CFAP69: variants seen among roughly 807,000 people sequenced by gnomAD.
CFAP69 encodes cilia and flagella associated protein 69.
In CFAP69, 92 loss-of-function variants were observed where a neutral mutation model predicts 123.0. The observed-to-expected ratio is 0.75, with a 90% CI of 0.63 to 0.89. The LOEUF is 0.89. Ranked by LOEUF, CFAP69 falls within the 40% of genes least tolerant of loss-of-function variation. The pLI is 0.00. For missense variants in CFAP69, 1,067 were observed against 1,096.9 expected (o/e 0.97, Z 0.39); for synonymous variants, 380 against 364.3 (o/e 1.04, Z -0.49).
chr7:90,271,463 T>G, intron 6 of CFAP69, 63 bp from the exon 7 acceptor site: 4 of 1,475,302 alleles, frequency 2.7e-6, no homozygotes, highest in Non-Finnish European at 3.7e-6. Context: ...AATTACTCAT[T>G]CTTTTGTCTT....
In CFAP69 at chr7:90,304,773, G is replaced by T. The variant is rs776750198; in HGVS notation, c.2218G>T (p.Glu740Ter). 1 of 1,594,506 alleles carries T rather than the reference G, an allele frequency of 6.3e-7. No individual in the cohort carries two copies. The change falls in exon 19 of 23, where the codon GAA becomes TAA. Residue 740 changes from glutamate (E) to a stop codon, truncating the protein, a stop_gained. Transcript: ENST00000389297. LOFTEE classifies it high-confidence loss of function. ...TGAAAATTTACCTGGCCTATCTGCT[G>T]AAGATTTTGTCACCCTTTGTATCAT... Reference protein sequence around the residue: ...DFENLPGLSAEDFVTLCIIHR... With the variant: ...DFENLPGLSA
chr7:90,305,042 GAT>G (rs1381767960), intron 19 of CFAP69, among the ~76,000 whole-genome samples: 1 of 152,090 alleles, frequency 6.6e-6, no homozygotes, highest in Non-Finnish European at 1.5e-5. Context: ...TGTGAAAGAA[GAT>G]GTACAAAACT....
downstream of CFAP69, among the ~76,000 whole-genome samples, chr7:90,311,700 A>G (rs1180577748): frequency 6.6e-6 from 1 of 152,108 alleles, no homozygotes; most frequent in Non-Finnish European, 1.5e-5. Context: ...ATTGAGAGGT[A>G]GGGGTTGCAG....
chr7:90,281,637 A>C (rs1789507864), intron 12 of CFAP69, among the ~76,000 whole-genome samples: 1 of 152,214 alleles, frequency 6.6e-6, no homozygotes, highest in Non-Finnish European at 1.5e-5. Context: ...TAAATATGAA[A>C]AGTCATACAG....
At chr7:90,281,117 G>A (rs1429793366) in intron 12 of CFAP69, among the ~76,000 whole-genome samples, 5 of 152,144 alleles carry the variant, frequency 3.3e-5, no homozygotes, top group Non-Finnish European at 7.4e-5. Context: ...AAGTCATTTA[G>A]TCCTCTCAAC....
chr7:90,277,431 A>G lies in CFAP69; in HGVS notation c.1155+97A>G, dbSNP rs191167752. The stretch of plus-strand genomic sequence containing the variant: ...GACTGTAAATATTTTATCGGTTCAT[A>G]TATTTACCACAGAAAGCAGTAAAAT... On this transcript the variant is annotated intron_variant, in intron 11 of 22. Transcript: ENST00000389297. 1.0e-4 allele frequency: 109 copies of G among 1,055,914 alleles called. 1 individual carries two copies. The African/African-American group carries it at 1.5e-3, about 15-fold the overall frequency. The allele number at this position is 1,055,914 out of a possible 1,614,324, so 65.4% of individuals were successfully genotyped here.
the CFAP69 span, chr7:90,316,624 G>T: frequency 1.3e-5 from 2 of 152,136 alleles, no homozygotes; most frequent in Admixed American, 6.5e-5. Context: ...GAAAGAAAAA[G>T]TTTTTTTATA....
chr7:90,287,217 T>C (rs929983336), intron 14 of CFAP69, among the ~76,000 whole-genome samples: 2 of 152,162 alleles, frequency 1.3e-5, no homozygotes, highest in African/African-American at 4.8e-5. Context: ...CCCCTATTGA[T>C]AGATAGGCAC....
rs1796215648 is a variant in CFAP69 at position 90,245,514 on chromosome 7, T to TTCC, written c.90_91insTCC (p.Val30_Gly31insSer). 6.6e-7 allele frequency: 1 copy of TTCC among 1,522,568 alleles called. No individual in the cohort carries two copies. The highest frequency in any genetic ancestry group is 1.5e-5 in the African/African-American group (1 of 68,530). 94.3% of individuals were successfully genotyped at this position (1,522,568 alleles called of 1,614,324 possible). A position where few individuals can be genotyped will look rare whatever the true frequency, so the allele number is the denominator to read the frequency against. ...GCAGTTCCAGTCAAATCCCGGTGGTTGGGGTGGTGACGGAGGACGATGAGG... is the reference window on the plus strand; with the variant it reads ...GCAGTTCCAGTCAAATCCCGGTGGTTTCCGGGGTGGTGACGGAGGACGATGAGG... On this transcript the variant is annotated inframe_insertion, in exon 1 of 23. Transcript: ENST00000389297.
intron 2 of CFAP69, among the ~76,000 whole-genome samples, chr7:90,256,985 T>TA (rs960369669): frequency 7.2e-5 from 11 of 152,224 alleles, no homozygotes; most frequent in African/African-American, 2.7e-4. Flanking sequence ...AAGTTAAAAA[T>TA]ACAATCTCTA....
intron 13 of CFAP69, 40 bp downstream of exon 13, chr7:90,283,096 A>G (rs1789732680): frequency 1.4e-6 from 2 of 1,392,006 alleles, no homozygotes; most frequent in African/African-American, 3.0e-5. Flanking sequence ...AAAGAGGAAT[A>G]TTTTTAATAG....
intron 5 of CFAP69, among the ~76,000 whole-genome samples, chr7:90,266,737 C>T (rs1387201069): frequency 6.6e-6 from 1 of 151,742 alleles, no homozygotes; most frequent in African/African-American, 2.4e-5. Flanking sequence ...TCTTCTGTTT[C>T]TTGGTTTTTT....
At chr7:90,253,495 A>G (rs1392591811) in intron 1 of CFAP69, among the ~76,000 whole-genome samples, 1 of 152,120 alleles carries the variant, frequency 6.6e-6, no homozygotes, top group African/African-American at 2.4e-5. Context: ...GGTTCAAGCA[A>G]TTCTTCTGCC....
Position 90,310,172 on chromosome 7 carries a change from A to G in CFAP69, c.2760A>G (p.Gly920=). The G allele has an allele frequency of 6.2e-7, 1 of 1,613,998 alleles. No homozygotes were observed. The highest frequency in any genetic ancestry group is 8.5e-7 in the Non-Finnish European group (1 of 1,179,902). The change falls in exon 23 of 23, where the codon GGA becomes GGG. Residue 920 remains glycine, a synonymous_variant. Coordinates refer to ENST00000389297, the MANE Select transcript of CFAP69 (RefSeq NM_001039706.3). ...CTCTTAAAAAACTGCCCATTCGAGG[A>G]GGAGCCTTGCAGAGGGTGAAAGCAG... The part of the protein sequence containing the change: ...DIALKKLPIR[G]GALQRVKAVK...
chr7:90,314,094 C>A (rs912499573), downstream of CFAP69, among the ~76,000 whole-genome samples: 2 of 152,090 alleles, frequency 1.3e-5, no homozygotes, highest in East Asian at 3.9e-4. Flanking sequence ...ATATACCTGA[C>A]CAGTACTCAA....
intron 1 of CFAP69, among the ~76,000 whole-genome samples, chr7:90,253,806 G>T (rs1797313324): frequency 6.6e-6 from 1 of 152,086 alleles, no homozygotes; most frequent in South Asian, 2.1e-4. Flanking sequence ...TCTGTTAATT[G>T]TTTTCTTTCC....
At chr7:90,319,931 G>A in the CFAP69 span, among the ~76,000 whole-genome samples, 2 of 152,038 alleles carry the variant, frequency 1.3e-5, no homozygotes, top group Non-Finnish European at 2.9e-5. Context: ...TTACAGTTCC[G>A]GTTTGATTTC....
rs148796271 is a variant in CFAP69, at chr7:90,289,774, A to G, written c.1775+1422A>G. ...TTTGCCCTTTACATTTAGACCTACA[A>G]TCTACCTGGAATTGATTTGTATGTA... is the stretch of plus-strand genomic sequence containing the variant. On this transcript the variant is annotated intron_variant, in intron 15 of 22. Transcript: ENST00000389297. Among the ~76,000 whole-genome samples the G allele has an allele frequency of 6.6e-5, 10 of 152,256 alleles. No individual in the cohort carries two copies. The East Asian group carries it at 1.2e-3, about 18-fold the overall frequency.
chr7:90,301,696 A>G (rs1792840329), intron 17 of CFAP69: 1 of 152,184 alleles, frequency 6.6e-6, no homozygotes. Flanking sequence ...TCCATGGTGT[A>G]TATGGACCAC....
Sources: gnomAD v4.1 joint callset for allele counts (sites outside exome capture counted in the v4.1 genomes callset) on GRCh38, gnomAD v4.1.1 for gene constraint, MANE v1.5 for transcripts, NCBI Gene and HGNC (gene_info 2026-07-23, HGNC 2026-07-21) for gene names.